The following PRKG1 variants were observed in gnomAD, a reference collection of about 807,000 sequenced individuals.
The protein encoded by PRKG1 is protein kinase cGMP-dependent 1, also known as cGMP-dependent protein kinase 1.
A neutral mutation model predicts 88.1 loss-of-function variants in PRKG1; 35 were observed. The ratio of observed to expected loss-of-function variants is 0.40; its 90% CI spans 0.30 to 0.53. The LOEUF is 0.53. Ranked by LOEUF, PRKG1 falls within the 20% of genes least tolerant of loss-of-function variation. PRKG1 has a pLI of 0.59. For synonymous variants in PRKG1, 303 were observed against 292.5 expected (o/e 1.04, Z -0.37); for missense variants, 540 against 839.8 (o/e 0.64, Z 4.41).
chr10:52,111,446 A>G (rs992340043), intron 7 of PRKG1, among the ~76,000 whole-genome samples: 1 of 152,240 alleles, frequency 6.6e-6, no homozygotes, highest in Admixed American at 6.5e-5. Flanking sequence ...TGTAGTACAT[A>G]TTGTGATGTT....
intron 2 of PRKG1, among the ~76,000 whole-genome samples, chr10:51,464,653 A>C (rs991964407): frequency 6.6e-6 from 1 of 152,022 alleles, no homozygotes; most frequent in African/African-American, 2.4e-5. Context: ...GCACTTTGGG[A>C]GGCCGAGGCG....
chr10:51,564,091 A>C (rs983185702), intron 3 of PRKG1, among the ~76,000 whole-genome samples: 16 of 152,102 alleles, frequency 1.1e-4, no homozygotes, highest in African/African-American at 3.9e-4. Flanking sequence ...ATTTTTAATT[A>C]TATTCTGTTT....
At chr10:50,999,165 C>T (rs988084563) in intron 1 of PRKG1, among the ~76,000 whole-genome samples, 3 of 152,104 alleles carry the variant, frequency 2.0e-5, no homozygotes, top group African/African-American at 4.8e-5. Context: ...GTGTGCTAGC[C>T]GCATCTTCAA....
At chr10:51,781,400 G>A (rs1161803848) in intron 3 of PRKG1, among the ~76,000 whole-genome samples, 1 of 152,032 alleles carries the variant, frequency 6.6e-6, no homozygotes, top group Non-Finnish European at 1.5e-5. Context: ...AAGGCAAGAG[G>A]GAAATTATAG....
intron 3 of PRKG1, among the ~76,000 whole-genome samples, chr10:51,584,580 G>T (rs951185033): frequency 3.3e-5 from 5 of 152,030 alleles, no homozygotes; most frequent in African/African-American, 1.2e-4. Flanking sequence ...ATTCTTAGTT[G>T]TCAACATTTA....
intron 4 of PRKG1, among the ~76,000 whole-genome samples, chr10:51,827,129 A>AACACAATT (rs1839898793): frequency 6.6e-6 from 1 of 152,208 alleles, no homozygotes; most frequent in East Asian, 1.9e-4. Flanking sequence ...AAAGAAAAAC[A>AACACAATT]ACACAATTGT....
chr10:51,568,451 G>A (rs1051702354), intron 3 of PRKG1: 2 of 151,442 alleles, frequency 1.3e-5, no homozygotes, highest in Admixed American at 6.6e-5. Flanking sequence ...ATGTTGCCCA[G>A]CTGTTCTTGA....
intron 4 of PRKG1, among the ~76,000 whole-genome samples, chr10:51,822,900 A>G (rs1055593259): frequency 6.6e-6 from 1 of 152,096 alleles, no homozygotes; most frequent in Admixed American, 6.5e-5. Context: ...TGGTTCTTCT[A>G]AACTGGTGGT....
chr10:51,141,612 G>T (rs1310434854), intron 1 of PRKG1, among the ~76,000 whole-genome samples: 1 of 152,014 alleles, frequency 6.6e-6, no homozygotes, highest in Non-Finnish European at 1.5e-5. Flanking sequence ...CTACTGAAAG[G>T]GACAAAGTTT....
intron 2 of PRKG1, among the ~76,000 whole-genome samples, chr10:51,440,385 G>C (rs1413612997): frequency 6.6e-6 from 1 of 151,782 alleles, no homozygotes; most frequent in East Asian, 1.9e-4. Flanking sequence ...AAGAGCATTT[G>C]TAATTATATC....
At chr10:52,065,792 T>C (rs1445223341) in intron 7 of PRKG1, among the ~76,000 whole-genome samples, 1 of 152,242 alleles carries the variant, frequency 6.6e-6, no homozygotes, top group African/African-American at 2.4e-5. Flanking sequence ...TTAATCTTGC[T>C]TTCCTTTGAT....
intron 7 of PRKG1, among the ~76,000 whole-genome samples, chr10:52,099,144 G>T (rs538566075): frequency 2.0e-5 from 3 of 152,234 alleles, no homozygotes; most frequent in Admixed American, 1.3e-4. Context: ...ATGGAATCCC[G>T]CAGTTACACA....
At chr10:51,008,514 C>T (rs1842961925) in intron 1 of PRKG1, among the ~76,000 whole-genome samples, 1 of 152,142 alleles carries the variant, frequency 6.6e-6, no homozygotes, top group Non-Finnish European at 1.5e-5. Flanking sequence ...TGCTGGCAAC[C>T]TTAACCATTC....
chr10:52,119,789 G>A (rs927175896), intron 7 of PRKG1, among the ~76,000 whole-genome samples: 25 of 152,140 alleles, frequency 1.6e-4, no homozygotes, highest in African/African-American at 5.8e-4. Flanking sequence ...ATTTTTTACA[G>A]TTGGAAGTTG....
intron 2 of PRKG1, among the ~76,000 whole-genome samples, chr10:51,332,720 T>G (rs540013478): frequency 6.6e-6 from 1 of 152,316 alleles, no homozygotes; most frequent in East Asian, 1.9e-4. Flanking sequence ...TAGTTACTTT[T>G]TCATACCATC....
chr10:51,664,893 G>A (rs1157981781), intron 3 of PRKG1, among the ~76,000 whole-genome samples: 1 of 152,132 alleles, frequency 6.6e-6, no homozygotes, highest in Non-Finnish European at 1.5e-5. Context: ...CATTTAATCA[G>A]CAACGGCTTG....
intron 1 of PRKG1, among the ~76,000 whole-genome samples, chr10:51,044,403 G>T (rs987127497): frequency 1.3e-5 from 2 of 152,166 alleles, no homozygotes; most frequent in Non-Finnish European, 2.9e-5. Context: ...CATCAAAGGA[G>T]GAGGAAGGGA....
intron 2 of PRKG1, among the ~76,000 whole-genome samples, chr10:51,365,027 A>G (rs539547907): frequency 4.1e-4 from 63 of 152,086 alleles, no homozygotes; most frequent in African/African-American, 1.5e-3. Flanking sequence ...ATTAGCACAG[A>G]AAATCAATTT....
At chr10:51,843,797 G>A (rs887377105) in intron 4 of PRKG1, among the ~76,000 whole-genome samples, 9 of 152,086 alleles carry the variant, frequency 5.9e-5, no homozygotes, top group Admixed American at 3.3e-4. Context: ...AAATTATAGT[G>A]TATTTGCTAA....
Sources: allele counts gnomAD v4.1 joint callset (sites outside exome capture counted in the v4.1 genomes callset), GRCh38; gene constraint gnomAD v4.1.1; transcripts MANE v1.5; gene names NCBI Gene and HGNC (gene_info 2026-07-23, HGNC 2026-07-21).